Variants in CDH13 observed in about 807,000 individuals in gnomAD.
The protein encoded by CDH13 is cadherin 13.
In CDH13, 24 loss-of-function variants were observed where a neutral mutation model predicts 63.8. The ratio of observed to expected loss-of-function variants is 0.38; its 90% CI spans 0.27 to 0.53. The LOEUF is 0.53. Among genes scored for constraint, CDH13 ranks in the 20% least tolerant of loss-of-function variants. The pLI is 0.85. For missense variants in CDH13, 1,049 were observed against 903.1 expected (o/e 1.16, Z -2.07); for synonymous variants, 503 against 355.3 (o/e 1.42, Z -4.67).
intron 5 of CDH13, among the ~76,000 whole-genome samples, chr16:83,332,548 T>A (rs2090502285): frequency 6.6e-6 from 1 of 152,172 alleles, no homozygotes; most frequent in Admixed American, 6.5e-5. Context: ...AAAAATACAA[T>A]CCCCAGTAAT....
intron 6 of CDH13, among the ~76,000 whole-genome samples, chr16:83,458,786 G>T (rs982898391): frequency 1.3e-5 from 2 of 152,172 alleles, no homozygotes; most frequent in Non-Finnish European, 2.9e-5. Context: ...CTGACATTCT[G>T]TCTGCTGATC....
chr16:83,693,589 T>G (rs1224351441), intron 10 of CDH13, among the ~76,000 whole-genome samples: 2 of 152,182 alleles, frequency 1.3e-5, no homozygotes, highest in African/African-American at 4.8e-5. Flanking sequence ...ATATTAAGTT[T>G]TGCCATCTGC....
intron 10 of CDH13, among the ~76,000 whole-genome samples, chr16:83,703,066 G>A (rs140016025): frequency 1.8e-3 from 281 of 152,294 alleles, no homozygotes; most frequent in African/African-American, 6.5e-3. Context: ...AGGCTAACAA[G>A]AGCGTTCCTC....
At chr16:82,990,176 A>G (rs1597368744) in intron 2 of CDH13, 1 of 152,200 alleles carries the variant, frequency 6.6e-6, no homozygotes, top group African/African-American at 2.4e-5. Context: ...TCAGAGAGCC[A>G]ACTGCCAATC....
chr16:83,697,526 C>T (rs555515149), intron 10 of CDH13, among the ~76,000 whole-genome samples: 6 of 152,286 alleles, frequency 3.9e-5, no homozygotes, highest in African/African-American at 1.2e-4. Flanking sequence ...TGTTAGTGAT[C>T]AACTGTATAC....
At chr16:83,201,482 C>T (rs531990765) in intron 4 of CDH13, among the ~76,000 whole-genome samples, 1 of 152,066 alleles carries the variant, frequency 6.6e-6, no homozygotes. Flanking sequence ...ATGTAATGAG[C>T]CACAGGAGAC....
intron 5 of CDH13, among the ~76,000 whole-genome samples, chr16:83,237,670 T>C (rs1904276401): frequency 6.6e-6 from 1 of 152,238 alleles, no homozygotes; most frequent in African/African-American, 2.4e-5. Context: ...TGGGCCTATG[T>C]TTTAACACCA....
chr16:83,735,521 T>C (rs921104939), intron 10 of CDH13: 1 of 152,216 alleles, frequency 6.6e-6, no homozygotes, highest in African/African-American at 2.4e-5. Flanking sequence ...GAAACTTTGA[T>C]CAACATCTCC....
At chr16:83,170,632 T>C (rs1047732143) in intron 4 of CDH13, among the ~76,000 whole-genome samples, 3 of 152,122 alleles carry the variant, frequency 2.0e-5, no homozygotes, top group African/African-American at 7.2e-5. Flanking sequence ...AACAAGAGAT[T>C]TTGCTTTGGA....
At chr16:83,258,467 C>A (rs141395991) in intron 5 of CDH13, among the ~76,000 whole-genome samples, 3,142 of 152,140 alleles carry the variant, frequency 0.021, 54 homozygotes, top group South Asian at 0.04. Flanking sequence ...CCAGTAAAAC[C>A]CGAGTGTTGC....
At chr16:82,699,334 G>A (rs141878070) in intron 1 of CDH13, among the ~76,000 whole-genome samples, 9 of 152,206 alleles carry the variant, frequency 5.9e-5, no homozygotes, top group African/African-American at 1.9e-4. Flanking sequence ...GAGGACCACC[G>A]GTAGTAGGGA....
At chr16:83,223,402 T>G (rs1431540905) in intron 5 of CDH13, among the ~76,000 whole-genome samples, 1 of 152,252 alleles carries the variant, frequency 6.6e-6, no homozygotes, top group African/African-American at 2.4e-5. Flanking sequence ...ACGCATGCTC[T>G]AATCACCTCT....
At chr16:82,934,574 G>T (rs2042605861) in intron 2 of CDH13, among the ~76,000 whole-genome samples, 1 of 152,170 alleles carries the variant, frequency 6.6e-6, no homozygotes. Context: ...TTTCTCCCCA[G>T]AACATGGGTT....
intron 4 of CDH13, among the ~76,000 whole-genome samples, chr16:83,154,521 C>T (rs1434131330): frequency 6.6e-6 from 1 of 150,736 alleles, no homozygotes; most frequent in Non-Finnish European, 1.5e-5. Context: ...GAGCCAAGAT[C>T]GCACCACTGC....
intron 1 of CDH13, chr16:82,723,026 A>G (rs2032874659): frequency 6.6e-6 from 1 of 152,218 alleles, no homozygotes; most frequent in Non-Finnish European, 1.5e-5. Context: ...TACAGGGCCA[A>G]GATGTCTAAA....
chr16:83,247,368 G>A (rs1402578416), intron 5 of CDH13, among the ~76,000 whole-genome samples: 2 of 152,124 alleles, frequency 1.3e-5, no homozygotes, highest in Admixed American at 1.3e-4. Flanking sequence ...CTGGAAATGA[G>A]AGAAGCAAGC....
rs80165071 is a variant in CDH13, at chr16:83,588,928, C to T, written c.961-13526C>T. On this transcript the variant is annotated intron_variant, in intron 7 of 13. Coordinates refer to ENST00000567109, the MANE Select transcript of CDH13 (RefSeq NM_001257.5). ...CGTCTCAGTGTTCCAGGAAACTCAG[C>T]GGTCACCCCCCAGAGAAGGTGTACT... 2.2e-4 allele frequency among the ~76,000 whole-genome samples: 33 copies of T among 152,262 alleles called. No individual in the cohort carries two copies. In the East Asian group the frequency reaches 6.0e-3, roughly 28 times the overall value.
At chr16:82,904,960 A>C (rs992328275) in intron 2 of CDH13, among the ~76,000 whole-genome samples, 1 of 152,134 alleles carries the variant, frequency 6.6e-6, no homozygotes, top group Non-Finnish European at 1.5e-5. Context: ...GGTTTCTCCC[A>C]TGGAGTGCAG....
chr16:83,556,366 T>C (rs1488218017), intron 7 of CDH13, among the ~76,000 whole-genome samples: 1 of 152,182 alleles, frequency 6.6e-6, no homozygotes, highest in Non-Finnish European at 1.5e-5. Context: ...TTAAATGCCT[T>C]GTCTAAATCC....
Sources: allele counts gnomAD v4.1 joint callset (sites outside exome capture counted in the v4.1 genomes callset), GRCh38; gene constraint gnomAD v4.1.1; transcripts MANE v1.5; gene names NCBI Gene and HGNC (gene_info 2026-07-23, HGNC 2026-07-21).